Variants in FAM107B observed in about 807,000 individuals in gnomAD.
FAM107B encodes the protein protein FAM107B.
In FAM107B, 21 loss-of-function variants were observed where a neutral mutation model predicts 31.5. That is an observed-to-expected ratio of 0.67 (90% CI 0.47 to 0.96). FAM107B has a LOEUF of 0.96. Among genes scored for constraint, FAM107B ranks in the 40% least tolerant of loss-of-function variants. The pLI, the probability that FAM107B is intolerant of heterozygous loss-of-function variation, is 0.00. For missense variants in FAM107B, 452 were observed against 377.1 expected, an observed-to-expected ratio of 1.20 and a Z score of -1.64; for synonymous variants, 157 against 141.5, an observed-to-expected ratio of 1.11 and a Z score of -0.78.
chr10:14,705,982 C>A (rs1264630153), intron 1 of FAM107B, among the ~76,000 whole-genome samples: 1 of 152,188 alleles, frequency 6.6e-6, no homozygotes, highest in Non-Finnish European at 1.5e-5. Context: ...AAAAACCGCA[C>A]TCTTGCTAAA....
At chr10:14,637,194 A>G (rs1853522020) in intron 2 of FAM107B, among the ~76,000 whole-genome samples, 1 of 152,006 alleles carries the variant, frequency 6.6e-6, no homozygotes, top group African/African-American at 2.4e-5. Flanking sequence ...CTTATTTCTA[A>G]CACCATGCCC....
intron 2 of FAM107B, among the ~76,000 whole-genome samples, chr10:14,602,077 T>G (rs1852417813): frequency 6.6e-6 from 1 of 152,184 alleles, no homozygotes; most frequent in Non-Finnish European, 1.5e-5. Flanking sequence ...CATTTCCTAT[T>G]GGAGCTTCGT....
intron 1 of FAM107B, among the ~76,000 whole-genome samples, chr10:14,694,037 T>C (rs951512448): frequency 2.0e-5 from 3 of 152,254 alleles, no homozygotes; most frequent in African/African-American, 2.4e-5. Context: ...TGTGTTGTGG[T>C]AAAGGGCTGG....
intron 2 of FAM107B, chr10:14,653,752 A>C (rs930091262): frequency 5.3e-5 from 8 of 152,210 alleles, no homozygotes; most frequent in Non-Finnish European, 1.2e-4. Context: ...TAACCGCGGG[A>C]AACTTCAGGG....
chr10:14,677,454 C>T (rs1854711986), intron 1 of FAM107B, among the ~76,000 whole-genome samples: 2 of 151,884 alleles, frequency 1.3e-5, no homozygotes, highest in Non-Finnish European at 2.9e-5. Context: ...ACCCCGTCTC[C>T]ACTAAAAATA....
intron 2 of FAM107B, among the ~76,000 whole-genome samples, chr10:14,633,217 C>T (rs1853413499): frequency 6.6e-6 from 1 of 150,494 alleles, no homozygotes; most frequent in Non-Finnish European, 1.5e-5. Flanking sequence ...AAAAATCATA[C>T]GGCTGGTCAA....
At chr10:14,521,749 T>C (rs977893304) in intron 4 of FAM107B, 120 bp downstream of exon 4, 35 of 1,397,830 alleles carry the variant, frequency 2.5e-5, no homozygotes, top group Non-Finnish European at 3.3e-5. Flanking sequence ...TTGTCTCCAA[T>C]ATTTCTTTCA....
intron 1 of FAM107B, among the ~76,000 whole-genome samples, chr10:14,680,146 G>A (rs1854795071): frequency 6.6e-6 from 1 of 152,114 alleles, no homozygotes; most frequent in Non-Finnish European, 1.5e-5. Flanking sequence ...TGCTTGGCTG[G>A]GACTCTTCAA....
chr10:14,727,551 C>A (rs1021096617), intron 1 of FAM107B, among the ~76,000 whole-genome samples: 29 of 152,240 alleles, frequency 1.9e-4, no homozygotes, highest in Non-Finnish European at 2.6e-4. Context: ...CAGCTCTCAA[C>A]TGATGACTCT....
intron 1 of FAM107B, among the ~76,000 whole-genome samples, chr10:14,762,793 C>A (rs918465223): frequency 1.4e-5 from 2 of 146,240 alleles, no homozygotes; most frequent in African/African-American, 5.4e-5. Context: ...CACACACACA[C>A]ACACACACAA....
intron 2 of FAM107B, among the ~76,000 whole-genome samples, chr10:14,657,255 G>C (rs1051120892): frequency 1.3e-5 from 2 of 152,214 alleles, no homozygotes; most frequent in African/African-American, 2.4e-5. Flanking sequence ...CAATGACTCT[G>C]AGGAGGATGA....
At chr10:14,723,021 T>A (rs1855948887) in intron 1 of FAM107B, 1 of 337,114 alleles carries the variant, frequency 3.0e-6, no homozygotes, top group Non-Finnish European at 5.8e-6. Flanking sequence ...CCAATGGCCG[T>A]CTTTTACATG....
At chr10:14,765,107 CT>C (rs1304533564) in intron 1 of FAM107B, among the ~76,000 whole-genome samples, 2 of 152,194 alleles carry the variant, frequency 1.3e-5, no homozygotes, top group African/African-American at 2.4e-5. Flanking sequence ...TTCCCTTTGA[CT>C]CTCTCTCCCC....
intron 2 of FAM107B, among the ~76,000 whole-genome samples, chr10:14,538,961 T>C (rs1474567668): frequency 6.6e-6 from 1 of 152,234 alleles, no homozygotes; most frequent in Non-Finnish European, 1.5e-5. Flanking sequence ...TACACTTGCA[T>C]ATGCAGAGTT....
At chr10:14,644,673 T>C (rs1212537249) in intron 2 of FAM107B, among the ~76,000 whole-genome samples, 1 of 152,224 alleles carries the variant, frequency 6.6e-6, no homozygotes, top group African/African-American at 2.4e-5. Context: ...ATCTGTCCCA[T>C]CCTATGGCAA....
intron 1 of FAM107B, among the ~76,000 whole-genome samples, chr10:14,764,877 G>C (rs1833131304): frequency 6.6e-6 from 1 of 152,144 alleles, no homozygotes; most frequent in Non-Finnish European, 1.5e-5. Context: ...TACACACGTA[G>C]GTATTTTAGA....
intron 1 of FAM107B, chr10:14,724,110 T>C: frequency 1.7e-6 from 1 of 578,482 alleles, no homozygotes; most frequent in East Asian, 3.3e-5. Context: ...CCAAATGGAC[T>C]CCTCTGTGGG....
At chr10:14,581,535 T>C (rs1010267607) in intron 2 of FAM107B, among the ~76,000 whole-genome samples, 1 of 152,192 alleles carries the variant, frequency 6.6e-6, no homozygotes, top group African/African-American at 2.4e-5. Context: ...CATCCAGCCA[T>C]CAGGATGTTC....
intron 2 of FAM107B, among the ~76,000 whole-genome samples, chr10:14,595,369 G>A (rs1199876314): frequency 1.3e-5 from 2 of 150,844 alleles, no homozygotes; most frequent in Admixed American, 1.3e-4. Flanking sequence ...GCAAGACTTG[G>A]GCATAGATCA....
Sources: gnomAD v4.1 joint callset for allele counts (sites outside exome capture counted in the v4.1 genomes callset) on GRCh38, gnomAD v4.1.1 for gene constraint, MANE v1.5 for transcripts, NCBI Gene and HGNC (gene_info 2026-07-23, HGNC 2026-07-21) for gene names.